The following SLC26A5 variants were observed in gnomAD, a reference collection of about 807,000 sequenced individuals.
SLC26A5 encodes the protein solute carrier family 26 member 5.
SLC26A5 carries 51 observed loss-of-function variants against 81.0 expected under a neutral mutation model. That is an observed-to-expected ratio of 0.63 (90% CI 0.50 to 0.80). The LOEUF is 0.80. SLC26A5 is among the 30% of genes least tolerant of loss of function. The pLI is 0.00. For synonymous variants in SLC26A5, 325 were observed against 332.8 expected (o/e 0.98, Z 0.25); for missense variants, 771 against 905.8 (o/e 0.85, Z 1.91).
intron 14 of SLC26A5, among the ~76,000 whole-genome samples, chr7:103,386,759 T>A (rs1822227313): frequency 6.6e-6 from 1 of 151,888 alleles, no homozygotes; most frequent in African/African-American, 2.4e-5. Context: ...AGTTATAGAT[T>A]TTTTTTTCTT....
At chr7:103,363,422 G>A in intron 19 of SLC26A5, 1 of 1,611,806 alleles carries the variant, frequency 6.2e-7, no homozygotes, top group Non-Finnish European at 8.5e-7. Flanking sequence ...AGAAGTAGTT[G>A]AAACCCCATT....
At chr7:103,407,768 T>C (rs1180197850) in intron 8 of SLC26A5, 83 bp downstream of exon 8, 1 of 1,519,540 alleles carries the variant, frequency 6.6e-7, no homozygotes, top group Non-Finnish European at 9.0e-7. Flanking sequence ...AAAAAATTCC[T>C]TTCATCCACT....
At chr7:103,408,072 C>G (rs1824199540) in intron 7 of SLC26A5, 69 bp from the exon 8 acceptor site, 2 of 1,566,820 alleles carry the variant, frequency 1.3e-6, no homozygotes, top group African/African-American at 2.7e-5. Context: ...GACACTCTAG[C>G]GCACTAATTC....
chr7:103,398,016 TAA>T lies in SLC26A5; in HGVS notation c.889-4_889-3del, dbSNP rs1418214898. The T allele has an allele frequency of 1.2e-6, 2 of 1,613,178 alleles. No homozygotes were observed. Among genetic ancestry groups the T allele is most frequent in the Non-Finnish European group, 1.7e-6 (2 of 1,179,248 alleles). Reference sequence around the variant, plus strand: ...TGAAATGCCAGTTCCCATTACGACCTAAAAAGACACAAATCCAAATGCACCTT... The same window carrying T: ...TGAAATGCCAGTTCCCATTACGACCTAAAGACACAAATCCAAATGCACCTT... On this transcript the variant is annotated splice_polypyrimidine_tract_variant and splice_region_variant and intron_variant, in intron 8 of 19. Coordinates refer to ENST00000306312, the MANE Select transcript of SLC26A5 (RefSeq NM_198999.3).
At chr7:103,390,767 T>C (rs1429205213) in intron 11 of SLC26A5, among the ~76,000 whole-genome samples, 1 of 152,122 alleles carries the variant, frequency 6.6e-6, no homozygotes, top group Non-Finnish European at 1.5e-5. Context: ...GGAGGAAAGA[T>C]GTCTGGTGCC....
chr7:103,375,663 GGCTC>G (rs1347761382), intron 19 of SLC26A5, among the ~76,000 whole-genome samples: 19 of 152,176 alleles, frequency 1.2e-4, no homozygotes, highest in Non-Finnish European at 2.8e-4. Context: ...TGAACTCTTA[GGCTC>G]AAGCGATCCT....
At chr7:103,405,594 G>C (rs1373726061) in intron 8 of SLC26A5, among the ~76,000 whole-genome samples, 2 of 152,190 alleles carry the variant, frequency 1.3e-5, no homozygotes, top group Admixed American at 1.3e-4. Context: ...ATGCCAGCCA[G>C]AGATCCCCTG....
intron 7 of SLC26A5, among the ~76,000 whole-genome samples, chr7:103,409,772 ATCTCG>A: frequency 6.6e-6 from 1 of 150,922 alleles, no homozygotes; most frequent in Non-Finnish European, 1.5e-5. Context: ...CAGTGATGGG[ATCTCG>A]GGTCACTACA....
intron 2 of SLC26A5, 139 bp from the exon 3 acceptor site, chr7:103,421,706 T>C: frequency 3.3e-6 from 2 of 612,774 alleles, no homozygotes; most frequent in Non-Finnish European, 5.7e-6. Flanking sequence ...TATTGATCTG[T>C]ATATAGGAGG....
At chr7:103,420,395 A>C (rs746691105) in intron 4 of SLC26A5, among the ~76,000 whole-genome samples, 92 of 150,414 alleles carry the variant, frequency 6.1e-4, no homozygotes, top group Non-Finnish European at 3.2e-4. Context: ...TTTGGGGCTC[A>C]AATGATCCTC....
chr7:103,438,642 C>T (rs1023724865), intron 2 of SLC26A5, among the ~76,000 whole-genome samples: 4 of 152,086 alleles, frequency 2.6e-5, no homozygotes, highest in Admixed American at 1.3e-4. Flanking sequence ...TGTGAGCCAC[C>T]GTGCCCAGCT....
chr7:103,390,316 T>C, intron 12 of SLC26A5, 113 bp downstream of exon 12: 1 of 989,182 alleles, frequency 1.0e-6, no homozygotes, highest in South Asian at 1.3e-5. Context: ...TCTCATACCA[T>C]CCTGTGAGGG....
At position 103,377,668 on chromosome 7, in the gene SLC26A5, G is replaced by A. The variant is rs1399645103; in HGVS notation, c.1917C>T (p.Val639=). The part of the protein sequence containing the change: ...MQRFMPPGDN[V]HTVILDFTQV... ...GAGTGAAATCCAAAATGACAGTGTG[G>A]ACGTTATCCCCTGGGGGCATAAATC... is the stretch of plus-strand genomic sequence containing the variant. Residue 639 remains valine (V), a synonymous_variant, in exon 18 of 20, where the codon GTC becomes GTT. Coordinates refer to ENST00000306312, the MANE Select transcript of SLC26A5 (RefSeq NM_198999.3). 2 of 1,614,110 alleles carry A rather than the reference G, an allele frequency of 1.2e-6. No homozygotes were observed. Among genetic ancestry groups the A allele is most frequent in the Non-Finnish European group, 1.7e-6 (2 of 1,180,010 alleles).
At chr7:103,377,568 T>G (rs1323510758) in intron 18 of SLC26A5, 31 bp downstream of exon 18, 5 of 1,585,632 alleles carry the variant, frequency 3.2e-6, no homozygotes, top group Middle Eastern at 1.7e-4. Flanking sequence ...GGCATAGAGG[T>G]ATTAAATGAC....
At chr7:103,446,063 G>T (rs2116904035) in intron 1 of SLC26A5, 35 bp downstream of exon 1, 1 of 152,118 alleles carries the variant, frequency 6.6e-6, no homozygotes, top group South Asian at 2.1e-4. Context: ...GAGGGACCGC[G>T]ACCCCCGGCC....
At chr7:103,412,541 A>AGTTTTTTTTT (rs1824566916) in intron 5 of SLC26A5, among the ~76,000 whole-genome samples, 1 of 132,842 alleles carries the variant, frequency 7.5e-6, no homozygotes, top group African/African-American at 3.1e-5. Flanking sequence ...GGAGGAGTGT[A>AGTTTTTTTTT]GTTTTTTTTT....
chr7:103,392,638 C>T (rs1378216966), intron 10 of SLC26A5, among the ~76,000 whole-genome samples: 4 of 152,290 alleles, frequency 2.6e-5, no homozygotes, highest in South Asian at 2.1e-4. Context: ...AGTGCAGCGG[C>T]GCGACCTCGG....
chr7:103,368,837 C>A (rs1820863080), intron 19 of SLC26A5: 1 of 152,120 alleles, frequency 6.6e-6, no homozygotes, highest in Admixed American at 6.6e-5. Context: ...TTTCATTTTA[C>A]AAATTACTTT....
At chr7:103,406,203 G>T (rs901640875) in intron 8 of SLC26A5, among the ~76,000 whole-genome samples, 19 of 152,090 alleles carry the variant, frequency 1.2e-4, no homozygotes, top group African/African-American at 4.6e-4. Flanking sequence ...TGTCTCACTG[G>T]TGTTCCAGGC....
Sources: gnomAD v4.1 joint callset for allele counts (sites outside exome capture counted in the v4.1 genomes callset) on GRCh38, gnomAD v4.1.1 for gene constraint, MANE v1.5 for transcripts, NCBI Gene and HGNC (gene_info 2026-07-23, HGNC 2026-07-21) for gene names.